The following ADAMTS17 variants were observed in gnomAD, a reference collection of about 807,000 sequenced individuals.
ADAMTS17 encodes the protein ADAM metallopeptidase with thrombospondin type 1 motif 17.
Under a neutral mutation model 141.5 loss-of-function variants are expected in ADAMTS17, and 113 were observed. The ratio of observed to expected loss-of-function variants is 0.80; its 90% CI spans 0.69 to 0.93. The LOEUF (loss-of-function observed/expected upper bound fraction) is 0.93, where lower values mean the gene tolerates loss of function less well. Ranked by LOEUF, ADAMTS17 falls within the 40% of genes least tolerant of loss-of-function variation. The probability of loss-of-function intolerance (pLI) is 0.00; values close to 1 mark genes in which losing one functional copy is unlikely to be tolerated. For synonymous variants in ADAMTS17, 768 were observed against 630.6 expected (o/e 1.22, Z -3.27); for missense variants, 1,659 against 1,517.9 (o/e 1.09, Z -1.54).
chr15:99,988,179 C>T (rs751425731), intron 20 of ADAMTS17, among the ~76,000 whole-genome samples: 2 of 152,006 alleles, frequency 1.3e-5, no homozygotes, highest in East Asian at 1.9e-4. Context: ...AATCTCATGC[C>T]GAAATGTGTC....
chr15:100,207,207 C>T (rs901522822), intron 7 of ADAMTS17, among the ~76,000 whole-genome samples: 3 of 152,164 alleles, frequency 2.0e-5, no homozygotes, highest in African/African-American at 7.2e-5. Context: ...TTCTCCCTCC[C>T]TCCCTCTTTC....
intron 8 of ADAMTS17, among the ~76,000 whole-genome samples, chr15:100,195,538 ATTTTCACC>A (rs1233856465): frequency 1.4e-5 from 2 of 142,460 alleles, no homozygotes; most frequent in African/African-American, 2.7e-5. Context: ...ACATTTTCAC[ATTTTCACC>A]GGCATCACTT....
chr15:100,007,915 G>C (rs1024134352), intron 18 of ADAMTS17, among the ~76,000 whole-genome samples: 1 of 152,144 alleles, frequency 6.6e-6, no homozygotes, highest in African/African-American at 2.4e-5. Flanking sequence ...TGGAGGGCAG[G>C]GGCTTGGGGA....
At position 100,330,912 on chromosome 15, in the gene ADAMTS17, TCAGGTC is replaced by T; in HGVS notation, c.587_592del (p.Arg196_Glu198delinsLys). ...ACCTGTTAGAACCTTGCAGAGCTGC[TCAGGTC>T]TCTGGGCCTCAGCAGAAGGGCTGGG... On this transcript the variant is annotated inframe_deletion, in exon 3 of 22. Transcript: ENST00000268070. 1 of 1,614,184 alleles carries T rather than the reference TCAGGTC, an allele frequency of 6.2e-7. No individual in the cohort carries two copies. Among genetic ancestry groups the T allele is most frequent in the South Asian group, 1.1e-5 (1 of 91,082 alleles).
At chr15:100,084,690 G>C (rs2034984427) in intron 15 of ADAMTS17, among the ~76,000 whole-genome samples, 1 of 152,168 alleles carries the variant, frequency 6.6e-6, no homozygotes, top group Admixed American at 6.5e-5. Flanking sequence ...TTCACCAATA[G>C]GCGCTGTTCT....
intron 13 of ADAMTS17, 65 bp downstream of exon 13, chr15:100,116,782 G>A: frequency 1.2e-6 from 2 of 1,610,656 alleles, no homozygotes; most frequent in East Asian, 2.2e-5. Flanking sequence ...GCTTCCCTAG[G>A]TGGTTTTTAT....
chr15:100,340,293 G>C (rs553034042), intron 2 of ADAMTS17, among the ~76,000 whole-genome samples: 2 of 152,170 alleles, frequency 1.3e-5, no homozygotes, highest in Non-Finnish European at 2.9e-5. Flanking sequence ...ACCTGTTCCG[G>C]GTGCCTCAAA....
chr15:100,209,597 T>A (rs1596283979), intron 7 of ADAMTS17, among the ~76,000 whole-genome samples: 1 of 130,868 alleles, frequency 7.6e-6, no homozygotes, highest in South Asian at 3.1e-4. Context: ...GGCATTACAT[T>A]TTATTAAAAA....
chr15:100,074,668 C>G (rs1246207406), intron 15 of ADAMTS17, among the ~76,000 whole-genome samples: 1 of 151,982 alleles, frequency 6.6e-6, no homozygotes, highest in Non-Finnish European at 1.5e-5. Flanking sequence ...CCTAAGAATG[C>G]TCTGTAATTG....
At position 99,974,109 on chromosome 15, in the gene ADAMTS17, C is replaced by G. The variant is rs886050969; in HGVS notation, c.*293G>C. 2.0e-6 allele frequency: 1 copy of G among 490,776 alleles called. No homozygotes were observed. The highest frequency in any genetic ancestry group is 1.9e-5 in the African/African-American group (1 of 51,412). The allele number at this position is 490,776 out of a possible 1,614,324, so 30.4% of individuals were successfully genotyped here. On this transcript the variant is annotated 3_prime_UTR_variant, in exon 22 of 22. Coordinates refer to ENST00000268070, the MANE Select transcript of ADAMTS17 (RefSeq NM_139057.4). ...CAAGAACACTAAATGATGTCTCTCT[C>G]TTGACGGTTGTCTGCCAGAGGTGCT...
chr15:100,233,870 G>A (rs538177002), intron 7 of ADAMTS17, among the ~76,000 whole-genome samples: 1 of 152,230 alleles, frequency 6.6e-6, no homozygotes, highest in South Asian at 2.1e-4. Flanking sequence ...CTTCCCGGGA[G>A]TGAGCACCAG....
chr15:100,286,524 G>A (rs908917540), intron 3 of ADAMTS17, among the ~76,000 whole-genome samples: 6 of 152,126 alleles, frequency 3.9e-5, no homozygotes, highest in African/African-American at 1.2e-4. Flanking sequence ...AACTCATACC[G>A]GCACCTCAGA....
At position 100,304,797 on chromosome 15, in the gene ADAMTS17, C is replaced by G. The variant is rs77627248; in HGVS notation, c.617-23396G>C. 5.3e-3 allele frequency among the ~76,000 whole-genome samples: 811 copies of G among 152,282 alleles called. 13 individuals are homozygous for G. The East Asian group carries it at 0.067, about 13-fold the overall frequency. On this transcript the variant is annotated intron_variant, in intron 3 of 21. Transcript: ENST00000268070. ...CACAGGTTTGAACTGTGCGGGCCCA[C>G]TTATACATGGATTTTCACCTCTGCC...
At chr15:100,195,597 G>T (rs1013071542) in intron 8 of ADAMTS17, among the ~76,000 whole-genome samples, 8 of 125,666 alleles carry the variant, frequency 6.4e-5, no homozygotes, top group African/African-American at 1.3e-4. Flanking sequence ...TAAATGACTG[G>T]CCCATTGTTT....
intron 15 of ADAMTS17, among the ~76,000 whole-genome samples, chr15:100,089,774 T>G (rs916105895): frequency 1.2e-4 from 18 of 144,898 alleles, no homozygotes; most frequent in African/African-American, 4.7e-4. Context: ...AAGGTGGGAA[T>G]TGAACAATGA....
chr15:100,163,425 C>T (rs2039819087), intron 8 of ADAMTS17, among the ~76,000 whole-genome samples: 1 of 150,408 alleles, frequency 6.6e-6, no homozygotes, highest in Admixed American at 6.6e-5. Context: ...GCTTCATGAT[C>T]CACATTTTTT....
chr15:100,110,973 A>G (rs957925038), intron 13 of ADAMTS17, among the ~76,000 whole-genome samples: 4 of 152,204 alleles, frequency 2.6e-5, no homozygotes, highest in Non-Finnish European at 4.4e-5. Flanking sequence ...ACCAGGCTCC[A>G]CAGGAAATCT....
At chr15:100,058,579 A>G (rs1418950076) in intron 15 of ADAMTS17, among the ~76,000 whole-genome samples, 2 of 151,950 alleles carry the variant, frequency 1.3e-5, no homozygotes, top group African/African-American at 4.8e-5. Flanking sequence ...GGAGACGGTT[A>G]TAAGACCATC....
chr15:100,184,394 C>A (rs2040631449), intron 8 of ADAMTS17, among the ~76,000 whole-genome samples: 1 of 152,170 alleles, frequency 6.6e-6, no homozygotes, highest in South Asian at 2.1e-4. Flanking sequence ...CCCTGGGGCC[C>A]CTGGCCAGTG....
Sources: allele counts gnomAD v4.1 joint callset (sites outside exome capture counted in the v4.1 genomes callset), GRCh38; gene constraint gnomAD v4.1.1; transcripts MANE v1.5; gene names NCBI Gene and HGNC (gene_info 2026-07-23, HGNC 2026-07-21).